The following ST8SIA6 variants were observed in gnomAD, a reference collection of about 807,000 sequenced individuals.
ST8SIA6 encodes ST8 alpha-N-acetyl-neuraminide alpha-2,8-sialyltransferase 6.
A neutral mutation model predicts 33.6 loss-of-function variants in ST8SIA6; 39 were observed. The ratio of observed to expected loss-of-function variants is 1.16; its 90% CI spans 0.90 to 1.52. ST8SIA6 has a LOEUF of 1.52. Among genes scored for constraint, ST8SIA6 ranks in the 40% most tolerant of loss-of-function variants. ST8SIA6 has a pLI of 0.00. For missense variants in ST8SIA6, 441 were observed against 443.8 expected, an observed-to-expected ratio of 0.99 and a Z score of 0.06; for synonymous variants, 172 against 167.2, an observed-to-expected ratio of 1.03 and a Z score of -0.22.
chr10:17,344,200 C>A (rs188096037), intron 4 of ST8SIA6, among the ~76,000 whole-genome samples: 1 of 152,182 alleles, frequency 6.6e-6, no homozygotes, highest in Non-Finnish European at 1.5e-5. Context: ...GGGGAAAAGT[C>A]AAGAAGAAAG....
chr10:17,359,455 C>T, intron 4 of ST8SIA6, 59 bp downstream of exon 4: 1 of 1,367,602 alleles, frequency 7.3e-7, no homozygotes, highest in East Asian at 2.4e-5. Flanking sequence ...GCCTATTTTT[C>T]TACAAAGCAA....
chr10:17,368,299 C>T (rs953746303), intron 3 of ST8SIA6, among the ~76,000 whole-genome samples: 4 of 143,810 alleles, frequency 2.8e-5, no homozygotes, highest in East Asian at 4.4e-4. Context: ...GCCAGCTACT[C>T]GTGAGGCTGA....
chr10:17,423,621 C>A (rs1435890536), intron 2 of ST8SIA6, among the ~76,000 whole-genome samples: 1 of 152,148 alleles, frequency 6.6e-6, no homozygotes, highest in East Asian at 1.9e-4. Flanking sequence ...CTTTCTCTTC[C>A]ACTACCACTC....
At chr10:17,446,137 T>C (rs1852698423) in intron 2 of ST8SIA6, among the ~76,000 whole-genome samples, 1 of 152,308 alleles carries the variant, frequency 6.6e-6, no homozygotes, top group South Asian at 2.1e-4. Context: ...TTTTAGTCCC[T>C]GAGGTGGACA....
chr10:17,399,795 G>A (rs888073714), intron 2 of ST8SIA6, among the ~76,000 whole-genome samples: 1 of 151,848 alleles, frequency 6.6e-6, no homozygotes, highest in Admixed American at 6.6e-5. Flanking sequence ...GTGTGTGCCT[G>A]TGGTCCCAGC....
chr10:17,373,448 C>G (rs567192223), intron 3 of ST8SIA6, among the ~76,000 whole-genome samples: 1 of 152,294 alleles, frequency 6.6e-6, no homozygotes, highest in Admixed American at 6.5e-5. Context: ...AATACAGACC[C>G]TGCGAGGCAT....
chr10:17,386,952 T>C (rs998926092), intron 3 of ST8SIA6: 2 of 152,268 alleles, frequency 1.3e-5, no homozygotes, highest in Admixed American at 6.5e-5. Context: ...GGAGGAGTTA[T>C]TCAGGCCTCC....
Position 17,390,694 on chromosome 10 carries a change from G to A in ST8SIA6, c.201-74C>T. On this transcript the variant is annotated intron_variant, in intron 2 of 7. Coordinates refer to ENST00000377602, the MANE Select transcript of ST8SIA6 (RefSeq NM_001004470.3). ...TATAAGATATTGTTAACAAAAATCA[G>A]ATTTAATTGATAAAGTGTGTCCAAA... 4.2e-6 allele frequency: 5 copies of A among 1,191,284 alleles called. No individual in the cohort carries two copies. In the South Asian group the frequency reaches 5.4e-5, roughly 13 times the overall value. 73.8% of individuals were successfully genotyped at this position (1,191,284 alleles called of 1,614,324 possible). A position where few individuals can be genotyped will look rare whatever the true frequency, so the allele number is the denominator to read the frequency against.
rs1399239302 is a variant in ST8SIA6 at position 17,318,421 on chromosome 10, G to A, written c.*2457C>T. ...TGTAGAGAAGGGTACTCACTATGTT[G>A]CCCAGGCTAGTCTCAAACTCCTGGC... is the stretch of plus-strand genomic sequence containing the variant. On this transcript the variant is annotated 3_prime_UTR_variant, in exon 8 of 8. Transcript: ENST00000377602. The A allele has an allele frequency of 6.2e-6, 2 of 321,196 alleles. No homozygotes were observed. Among genetic ancestry groups the A allele is most frequent in the South Asian group, 2.7e-5 (1 of 36,878 alleles). The allele number at this position is 321,196 out of a possible 1,614,324, so 19.9% of individuals were successfully genotyped here.
chr10:17,347,003 C>T (rs774567740), intron 4 of ST8SIA6, among the ~76,000 whole-genome samples: 13 of 152,184 alleles, frequency 8.5e-5, no homozygotes, highest in Non-Finnish European at 1.8e-4. Context: ...AATCTTGAAG[C>T]AGAAATACCT....
At chr10:17,412,360 T>C (rs1851480953) in intron 2 of ST8SIA6, among the ~76,000 whole-genome samples, 2 of 152,166 alleles carry the variant, frequency 1.3e-5, no homozygotes, top group South Asian at 2.1e-4. Context: ...AGAGAAATTA[T>C]TAATCCAATC....
At chr10:17,327,377 G>A (rs1411146099) in intron 5 of ST8SIA6, among the ~76,000 whole-genome samples, 1 of 151,986 alleles carries the variant, frequency 6.6e-6, no homozygotes, top group Non-Finnish European at 1.5e-5. Context: ...ACAAGGTCAG[G>A]AGTTCAACAC....
At chr10:17,323,256 TATA>T in intron 6 of ST8SIA6, 99 bp from the exon 7 acceptor site, 2 of 514,366 alleles carry the variant, frequency 3.9e-6, no homozygotes, top group Non-Finnish European at 3.2e-6. Context: ...CACACCTATC[TATA>T]ATAATTGTTC....
Position 17,414,424 on chromosome 10 carries a change from TAGA to T in ST8SIA6, c.201-23807_201-23805del, listed in dbSNP as rs375703310. 3.4e-4 allele frequency among the ~76,000 whole-genome samples: 52 copies of T among 152,260 alleles called. No individual in the cohort carries two copies. In the East Asian group the frequency reaches 9.6e-3, roughly 28 times the overall value. ...TCACTTCATACTTTATTGAAAAAAA[TAGA>T]AGCCTGCAGAGGAGCAACACTTTCA... is the stretch of plus-strand genomic sequence containing the variant. On this transcript the variant is annotated intron_variant, in intron 2 of 7. Transcript: ENST00000377602.
intron 3 of ST8SIA6, among the ~76,000 whole-genome samples, chr10:17,387,400 C>T (rs1850412382): frequency 7.0e-6 from 1 of 143,246 alleles, no homozygotes; most frequent in Admixed American, 7.6e-5. Context: ...TACAGGCATG[C>T]GCCACCACAC....
At chr10:17,403,338 T>A (rs1450603390) in intron 2 of ST8SIA6, among the ~76,000 whole-genome samples, 1 of 152,164 alleles carries the variant, frequency 6.6e-6, no homozygotes, top group Non-Finnish European at 1.5e-5. Flanking sequence ...AGAAACAGAT[T>A]GAAAACAAGT....
chr10:17,373,510 G>T (rs927730433), intron 3 of ST8SIA6, among the ~76,000 whole-genome samples: 2 of 152,080 alleles, frequency 1.3e-5, no homozygotes, highest in Non-Finnish European at 2.9e-5. Flanking sequence ...TATGGTCCAC[G>T]CTGGAGACTC....
chr10:17,447,393 C>CA (rs1366317753), intron 2 of ST8SIA6, among the ~76,000 whole-genome samples: 1 of 151,070 alleles, frequency 6.6e-6, no homozygotes, highest in Non-Finnish European at 1.5e-5. Context: ...GCAACGAGAG[C>CA]AAAATTCCTT....
At chr10:17,346,752 G>A (rs1370076881) in intron 4 of ST8SIA6, among the ~76,000 whole-genome samples, 2 of 152,282 alleles carry the variant, frequency 1.3e-5, no homozygotes, top group South Asian at 4.1e-4. Context: ...GAGAACAATA[G>A]CTATGTGTGT....
Sources: gnomAD v4.1 joint callset for allele counts (sites outside exome capture counted in the v4.1 genomes callset) on GRCh38, gnomAD v4.1.1 for gene constraint, MANE v1.5 for transcripts, NCBI Gene and HGNC (gene_info 2026-07-23, HGNC 2026-07-21) for gene names.